The following HECW1 variants were observed in gnomAD, a reference collection of about 807,000 sequenced individuals.
The protein encoded by HECW1 is HECT, C2 and WW domain containing E3 ubiquitin protein ligase 1, also known as E3 ubiquitin-protein ligase HECW1.
Under a neutral mutation model 182.3 loss-of-function variants are expected in HECW1, and 61 were observed. The observed-to-expected ratio is 0.33, with a 90% confidence interval of 0.27 to 0.41. The LOEUF (loss-of-function observed/expected upper bound fraction) is 0.41. Among genes scored for constraint, HECW1 ranks in the 10% least tolerant of loss-of-function variants. The probability of loss-of-function intolerance (pLI) is 1.00; values close to 1 mark genes in which losing one functional copy is unlikely to be tolerated. For synonymous variants in HECW1, 859 were observed against 832.6 expected (o/e 1.03, Z -0.55); for missense variants, 1,739 against 2,108.9 (o/e 0.82, Z 3.44).
chr7:43,480,134 T>G (rs1263898424), intron 17 of HECW1, among the ~76,000 whole-genome samples: 1 of 152,022 alleles, frequency 6.6e-6, no homozygotes, highest in East Asian at 1.9e-4. Flanking sequence ...CTCCAAAACA[T>G]CCTAGAAAAT....
At chr7:43,186,247 C>T (rs1464001312) in intron 2 of HECW1, among the ~76,000 whole-genome samples, 1 of 152,180 alleles carries the variant, frequency 6.6e-6, no homozygotes, top group Non-Finnish European at 1.5e-5. Context: ...AGTTTGTGCT[C>T]ATTATCTGTT....
At chr7:43,192,456 G>A (rs1270811674) in intron 2 of HECW1, among the ~76,000 whole-genome samples, 1 of 152,020 alleles carries the variant, frequency 6.6e-6, no homozygotes, top group Non-Finnish European at 1.5e-5. Context: ...AACCTAATAT[G>A]ACATGTACAT....
At chr7:43,180,771 G>A (rs1286631648) in intron 2 of HECW1, among the ~76,000 whole-genome samples, 1 of 152,160 alleles carries the variant, frequency 6.6e-6, no homozygotes, top group Non-Finnish European at 1.5e-5. Context: ...CAGTACATGT[G>A]CACATTGTTT....
rs553453131 is a variant in HECW1 at position 43,246,723 on chromosome 7, T to C, written c.27+2791T>C. Reference sequence around the variant, plus strand: ...CCCTCTGTGGAGAAAAAACAAAACATGCATTGCAAATGACTGGCATCTCTG... The same window carrying C: ...CCCTCTGTGGAGAAAAAACAAAACACGCATTGCAAATGACTGGCATCTCTG... On this transcript the variant is annotated intron_variant, in intron 3 of 29. Transcript: ENST00000395891. Among the ~76,000 whole-genome samples the C allele has an allele frequency of 3.9e-5, 6 of 152,252 alleles. No homozygotes were observed. The South Asian group carries it at 1.0e-3, about 26-fold the overall frequency.
intron 2 of HECW1, among the ~76,000 whole-genome samples, chr7:43,179,480 C>T (rs374495139): frequency 2.0e-5 from 3 of 152,078 alleles, no homozygotes; most frequent in Admixed American, 6.5e-5. Flanking sequence ...GGTACCTGAA[C>T]GTCTTAACAT....
chr7:43,352,024 C>A (rs540682646), intron 5 of HECW1, among the ~76,000 whole-genome samples: 2 of 152,210 alleles, frequency 1.3e-5, no homozygotes, highest in Non-Finnish European at 2.9e-5. Context: ...CTTAACCCGG[C>A]AAACCTGTCA....
At chr7:43,143,534 C>T (rs1447475337) in intron 2 of HECW1, among the ~76,000 whole-genome samples, 2 of 152,192 alleles carry the variant, frequency 1.3e-5, no homozygotes, top group Admixed American at 6.5e-5. Flanking sequence ...AATCCTCCCA[C>T]CTCAGCCTCC....
At chr7:43,509,346 T>A in intron 24 of HECW1, 1 of 443,754 alleles carries the variant, frequency 2.3e-6, no homozygotes, top group Non-Finnish European at 4.0e-6. Flanking sequence ...CAAATTGATG[T>A]GAGAAAGAAT....
chr7:43,343,405 GC>G (rs1234192574), intron 5 of HECW1, among the ~76,000 whole-genome samples: 4 of 151,476 alleles, frequency 2.6e-5, no homozygotes, highest in African/African-American at 9.8e-5. Flanking sequence ...TTCTCCTAAT[GC>G]TATCCCTCAC....
chr7:43,247,599 T>C (rs563009167), intron 3 of HECW1, among the ~76,000 whole-genome samples: 2 of 150,186 alleles, frequency 1.3e-5, no homozygotes, highest in Non-Finnish European at 2.9e-5. Flanking sequence ...AATCGTGCCA[T>C]TGCACTCCAG....
intron 13 of HECW1, among the ~76,000 whole-genome samples, chr7:43,456,839 C>T (rs913363182): frequency 1.3e-5 from 2 of 152,214 alleles, no homozygotes; most frequent in African/African-American, 2.4e-5. Flanking sequence ...GGTCCACACC[C>T]ATCATACAGT....
At chr7:43,304,485 T>C (rs1270541787) in intron 3 of HECW1, among the ~76,000 whole-genome samples, 1 of 151,156 alleles carries the variant, frequency 6.6e-6, no homozygotes, top group East Asian at 1.9e-4. Context: ...TTTATTTATT[T>C]ATTTATTTAT....
chr7:43,552,425 T>TA, intron 28 of HECW1, 89 bp downstream of exon 28: 1 of 879,714 alleles, frequency 1.1e-6, no homozygotes, highest in Non-Finnish European at 1.9e-6. Flanking sequence ...GAAATTGATG[T>TA]AAAATAAAAT....
chr7:43,145,700 A>G (rs1216667365), intron 2 of HECW1, among the ~76,000 whole-genome samples: 1 of 152,210 alleles, frequency 6.6e-6, no homozygotes, highest in Non-Finnish European at 1.5e-5. Flanking sequence ...TATTGCCACA[A>G]GAGATAATTT....
intron 2 of HECW1, among the ~76,000 whole-genome samples, chr7:43,208,789 G>A (rs913024381): frequency 1.3e-5 from 2 of 152,130 alleles, no homozygotes; most frequent in East Asian, 1.9e-4. Context: ...TCTTTCCACC[G>A]AAGCAACAAG....
intron 5 of HECW1, among the ~76,000 whole-genome samples, chr7:43,332,609 CACAG>C (rs1466193622): frequency 1.3e-5 from 2 of 152,206 alleles, no homozygotes; most frequent in African/African-American, 2.4e-5. Context: ...TGTCCAATTA[CACAG>C]ACAGACACAG....
intron 2 of HECW1, among the ~76,000 whole-genome samples, chr7:43,216,797 G>A (rs1796484131): frequency 6.6e-6 from 1 of 152,108 alleles, no homozygotes; most frequent in Non-Finnish European, 1.5e-5. Flanking sequence ...TGGGATTACA[G>A]GCACCCACCA....
At chr7:43,306,862 A>G (rs922764370) in intron 3 of HECW1, among the ~76,000 whole-genome samples, 1 of 152,144 alleles carries the variant, frequency 6.6e-6, no homozygotes, top group Admixed American at 6.6e-5. Flanking sequence ...CTGTTTTTTT[A>G]CAGGTTTTGT....
At chr7:43,427,100 A>G (rs1452067813) in intron 8 of HECW1, among the ~76,000 whole-genome samples, 4 of 152,062 alleles carry the variant, frequency 2.6e-5, no homozygotes, top group South Asian at 2.1e-4. Flanking sequence ...AAATGTTTTT[A>G]TTTTTACTTC....
Sources: allele counts gnomAD v4.1 joint callset (sites outside exome capture counted in the v4.1 genomes callset), GRCh38; gene constraint gnomAD v4.1.1; transcripts MANE v1.5; gene names NCBI Gene and HGNC (gene_info 2026-07-23, HGNC 2026-07-21).